The following PTPN5 variants were observed in gnomAD, a reference collection of about 807,000 sequenced individuals.
The protein encoded by PTPN5 is tyrosine-protein phosphatase non-receptor type 5.
A neutral mutation model predicts 73.9 loss-of-function variants in PTPN5; 29 were observed. The ratio of observed to expected loss-of-function variants is 0.39; its 90% CI spans 0.29 to 0.54. The LOEUF (loss-of-function observed/expected upper bound fraction) is 0.54, where lower values mean the gene tolerates loss of function less well. Ranked by LOEUF, PTPN5 falls within the 20% of genes least tolerant of loss-of-function variation. The pLI, the probability that PTPN5 is intolerant of heterozygous loss-of-function variation, is 0.65. For missense variants in PTPN5, 652 were observed against 751.4 expected (o/e 0.87, Z 1.55); for synonymous variants, 267 against 304.7 (o/e 0.88, Z 1.29).
At chr11:18,755,433 G>A (rs1330825909) in intron 3 of PTPN5, among the ~76,000 whole-genome samples, 1 of 152,220 alleles carries the variant, frequency 6.6e-6, no homozygotes, top group East Asian at 1.9e-4. Context: ...AATTTGTTAT[G>A]TAGCAAAATA....
chr11:18,781,693 T>C (rs2134356205), intron 1 of PTPN5, among the ~76,000 whole-genome samples: 1 of 152,240 alleles, frequency 6.6e-6, no homozygotes, highest in South Asian at 2.1e-4. Context: ...ATAATCTTAC[T>C]ATAATCTTAT....
At chr11:18,764,713 T>C (rs1850555529) in intron 3 of PTPN5, among the ~76,000 whole-genome samples, 1 of 152,124 alleles carries the variant, frequency 6.6e-6, no homozygotes, top group African/African-American at 2.4e-5. Flanking sequence ...TTTTGTTTTG[T>C]TTTGTTTTGT....
intron 3 of PTPN5, among the ~76,000 whole-genome samples, chr11:18,753,317 C>A (rs1427243267): frequency 6.6e-6 from 1 of 152,186 alleles, no homozygotes; most frequent in Admixed American, 6.5e-5. Flanking sequence ...TCTTCGGCAT[C>A]CATCTCACTA....
intron 12 of PTPN5, among the ~76,000 whole-genome samples, chr11:18,731,881 C>T (rs1405163626): frequency 1.3e-5 from 2 of 152,186 alleles, no homozygotes; most frequent in South Asian, 2.1e-4. Context: ...TTCACCTCTT[C>T]CAGCCTTTGG....
chr11:18,762,163 G>A (rs183935292), intron 3 of PTPN5, among the ~76,000 whole-genome samples: 63 of 152,212 alleles, frequency 4.1e-4, no homozygotes, highest in Middle Eastern at 6.8e-3. Flanking sequence ...CCTGTCCTGT[G>A]TTGGCTCAGA....
chr11:18,763,484 C>T (rs1850492520), intron 3 of PTPN5, among the ~76,000 whole-genome samples: 1 of 152,188 alleles, frequency 6.6e-6, no homozygotes, highest in African/African-American at 2.4e-5. Context: ...ACACTGATTT[C>T]CTAGGATATT....
intron 8 of PTPN5, among the ~76,000 whole-genome samples, chr11:18,739,126 T>C (rs989200611): frequency 2.0e-5 from 3 of 152,192 alleles, no homozygotes; most frequent in Non-Finnish European, 4.4e-5. Flanking sequence ...TTCATTGTTT[T>C]TGGACACACT....
chr11:18,786,497 C>G (rs768981542), intron 1 of PTPN5, among the ~76,000 whole-genome samples: 111 of 152,306 alleles, frequency 7.3e-4, no homozygotes, highest in Admixed American at 3.3e-3. Flanking sequence ...CCACCGCACC[C>G]GGCCTAGAAT....
intron 1 of PTPN5, among the ~76,000 whole-genome samples, chr11:18,775,100 C>T (rs562226583): frequency 4.2e-4 from 64 of 152,282 alleles, no homozygotes; most frequent in African/African-American, 1.5e-3. Flanking sequence ...AACGTACTAA[C>T]GTTTCCTGCA....
chr11:18,774,300 G>C (rs1355450987), intron 1 of PTPN5, among the ~76,000 whole-genome samples: 1 of 152,234 alleles, frequency 6.6e-6, no homozygotes, highest in African/African-American at 2.4e-5. Flanking sequence ...GCACAGCAGA[G>C]AAATGAGGGT....
chr11:18,754,200 A>G (rs1850022844), intron 3 of PTPN5, among the ~76,000 whole-genome samples: 1 of 152,152 alleles, frequency 6.6e-6, no homozygotes, highest in Admixed American at 6.5e-5. Flanking sequence ...AAAACCACCG[A>G]GTTGGAAGTT....
At chr11:18,777,007 C>A (rs933566813) in intron 1 of PTPN5, among the ~76,000 whole-genome samples, 1 of 152,034 alleles carries the variant, frequency 6.6e-6, no homozygotes, top group Admixed American at 6.6e-5. Flanking sequence ...ACTAAAAATA[C>A]AAAATTAGCC....
At chr11:18,756,006 A>AAT (rs1850118512) in intron 3 of PTPN5, among the ~76,000 whole-genome samples, 1 of 151,292 alleles carries the variant, frequency 6.6e-6, no homozygotes, top group Admixed American at 6.6e-5. Flanking sequence ...TCTAAATAAA[A>AAT]AAAAAAAAAA....
chr11:18,760,518 C>T (rs1394114822), intron 3 of PTPN5, among the ~76,000 whole-genome samples: 2 of 152,182 alleles, frequency 1.3e-5, no homozygotes, highest in Non-Finnish European at 2.9e-5. Context: ...TGCAAGACAT[C>T]AGGATCTAAG....
chr11:18,754,653 T>C (rs968806173), intron 3 of PTPN5, among the ~76,000 whole-genome samples: 17 of 152,288 alleles, frequency 1.1e-4, no homozygotes, highest in African/African-American at 4.1e-4. Flanking sequence ...TATTTTGGAG[T>C]GGCCAATCAT....
At chr11:18,756,649 G>A (rs867292009) in intron 3 of PTPN5, among the ~76,000 whole-genome samples, 2 of 151,814 alleles carry the variant, frequency 1.3e-5, no homozygotes, top group Admixed American at 6.5e-5. Context: ...CCGGCCGGGC[G>A]CGGTGGCTCA....
In PTPN5 at chr11:18,740,773, G is replaced by C; in HGVS notation, c.745C>G (p.Leu249Val). 1 of 1,564,302 alleles carries C rather than the reference G, an allele frequency of 6.4e-7. No individual in the cohort carries two copies. Among genetic ancestry groups the C allele is most frequent in the Non-Finnish European group, 8.7e-7 (1 of 1,151,854 alleles). Residue 249 changes from leucine (L) to valine (V), a missense_variant, in exon 8 of 15, where the codon CTG becomes GTG. By Grantham distance (32) the Leu-to-Val change is conservative (BLOSUM62 1). Transcript: ENST00000358540. ...CCCGGAGTGCACATGTCCAGGGTCA[G>C]GGAGACATTGGAACCCCTCCTGGAA... ...LQERRGSNVS[L>V]TLDMCTPGCN...
chr11:18,743,456 A>G (rs747664923), intron 4 of PTPN5, 27 bp from the exon 5 acceptor site: 1 of 1,600,458 alleles, frequency 6.2e-7, no homozygotes, highest in Non-Finnish European at 8.6e-7. Flanking sequence ...CAGGCTGAGT[A>G]TGGAGCCGGC....
chr11:18,734,219 G>A (rs189292070), intron 9 of PTPN5, among the ~76,000 whole-genome samples: 2 of 152,322 alleles, frequency 1.3e-5, no homozygotes, highest in East Asian at 3.9e-4. Flanking sequence ...GTTGACGGAG[G>A]CTATTAACAT....
Sources: allele counts gnomAD v4.1 joint callset (sites outside exome capture counted in the v4.1 genomes callset), GRCh38; gene constraint gnomAD v4.1.1; transcripts MANE v1.5; gene names NCBI Gene and HGNC (gene_info 2026-07-23, HGNC 2026-07-21).